ATG7: variants seen among roughly 807,000 people sequenced by gnomAD.
The protein encoded by ATG7 is ubiquitin-like modifier-activating enzyme ATG7.
Under a neutral mutation model 82.4 loss-of-function variants are expected in ATG7, and 70 were observed. The ratio of observed to expected loss-of-function variants is 0.85; its 90% CI spans 0.70 to 1.04. ATG7 has a LOEUF of 1.04. ATG7 is among the 50% of genes least tolerant of loss of function. The pLI, the probability that ATG7 is intolerant of heterozygous loss-of-function variation, is 0.00. For missense variants in ATG7, 792 were observed against 864.3 expected, an observed-to-expected ratio of 0.92 and a Z score of 1.05; for synonymous variants, 287 against 313.0, an observed-to-expected ratio of 0.92 and a Z score of 0.88.
intron 9 of ATG7, among the ~76,000 whole-genome samples, chr3:11,327,856 C>T (rs1165666129): frequency 6.6e-6 from 1 of 152,174 alleles, no homozygotes; most frequent in African/African-American, 2.4e-5. Flanking sequence ...AACTCTGATT[C>T]AGCAGGTCTG....
chr3:11,425,156 G>A (rs1338518607), intron 19 of ATG7, among the ~76,000 whole-genome samples: 1 of 152,054 alleles, frequency 6.6e-6, no homozygotes, highest in Non-Finnish European at 1.5e-5. Context: ...TGGAGACAAG[G>A]TCTCACTATG....
At chr3:11,469,867 G>A (rs569157615) in intron 20 of ATG7, among the ~76,000 whole-genome samples, 12 of 151,682 alleles carry the variant, frequency 7.9e-5, no homozygotes, top group Admixed American at 2.0e-4. Context: ...GCATGTACCT[G>A]TAATCCCAGC....
intron 3 of ATG7, among the ~76,000 whole-genome samples, chr3:11,298,373 A>G (rs1317199807): frequency 6.6e-6 from 1 of 152,216 alleles, no homozygotes; most frequent in Non-Finnish European, 1.5e-5. Context: ...TCCTGGGGGT[A>G]AGGAAATGGG....
chr3:11,438,276 T>A (rs2083547366), intron 20 of ATG7, among the ~76,000 whole-genome samples: 1 of 152,106 alleles, frequency 6.6e-6, no homozygotes, highest in Non-Finnish European at 1.5e-5. Flanking sequence ...CCATCCTCCA[T>A]CCAGGGTCCC....
chr3:11,479,991 A>G (rs1034419345), intron 20 of ATG7, among the ~76,000 whole-genome samples: 3 of 151,404 alleles, frequency 2.0e-5, no homozygotes, highest in African/African-American at 7.3e-5. Context: ...GCAGTGGCAC[A>G]ATCTCGGCTT....
At chr3:11,511,822 C>T (rs539984479) in intron 20 of ATG7, among the ~76,000 whole-genome samples, 28 of 152,172 alleles carry the variant, frequency 1.8e-4, no homozygotes, top group African/African-American at 3.4e-4. Context: ...GTACACCCTC[C>T]GCAGCCACTG....
chr3:11,484,945 G>T (rs1173058766), intron 20 of ATG7, among the ~76,000 whole-genome samples: 1 of 152,162 alleles, frequency 6.6e-6, no homozygotes, highest in Non-Finnish European at 1.5e-5. Context: ...GTCTATCGTT[G>T]TTGGACAGTT....
At chr3:11,436,566 T>C (rs1013043996) in intron 20 of ATG7, among the ~76,000 whole-genome samples, 6 of 152,172 alleles carry the variant, frequency 3.9e-5, no homozygotes, top group Admixed American at 3.9e-4. Context: ...TGTATAAATA[T>C]AGCCCAGAGA....
the ATG7 span, among the ~76,000 whole-genome samples, chr3:11,563,276 A>G: frequency 6.6e-6 from 1 of 152,172 alleles, no homozygotes; most frequent in African/African-American, 2.4e-5. Context: ...GGACTCCCCA[A>G]CAGCAGTGGC....
chr3:11,309,376 C>T (rs1948273563), intron 7 of ATG7, among the ~76,000 whole-genome samples: 1 of 152,124 alleles, frequency 6.6e-6, no homozygotes, highest in Non-Finnish European at 1.5e-5. Flanking sequence ...TCCTAAATAC[C>T]ATCTAAATAA....
chr3:11,478,862 T>C (rs2088570182), intron 20 of ATG7, among the ~76,000 whole-genome samples: 1 of 152,196 alleles, frequency 6.6e-6, no homozygotes, highest in Admixed American at 6.5e-5. Context: ...TTAACATGCA[T>C]TTATTATTTA....
At position 11,556,734 on chromosome 3, in the gene ATG7, A is replaced by C. The variant is rs1270777617; in HGVS notation, c.*1891A>C. 6.5e-6 allele frequency: 1 copy of C among 152,836 alleles called. No individual in the cohort carries two copies. Among genetic ancestry groups the C allele is most frequent in the Non-Finnish European group, 1.5e-5 (1 of 68,052 alleles). 9.5% of individuals were successfully genotyped at this position (152,836 alleles called of 1,614,324 possible). A position where few individuals can be genotyped will look rare whatever the true frequency, so the allele number is the denominator to read the frequency against. Reference sequence around the variant, plus strand: ...AAAATACCTACAAATTTCTCTGTACATTCTTTACGCACAGCGTAACGATGG... The same window carrying C: ...AAAATACCTACAAATTTCTCTGTACCTTCTTTACGCACAGCGTAACGATGG... On this transcript the variant is annotated 3_prime_UTR_variant, in exon 21 of 21. Coordinates refer to ENST00000693202, the MANE Select transcript of ATG7 (RefSeq NM_001349232.2).
chr3:11,525,442 CAT>C (rs1367850350), intron 20 of ATG7, among the ~76,000 whole-genome samples: 1 of 133,102 alleles, frequency 7.5e-6, no homozygotes, highest in Non-Finnish European at 1.5e-5. Context: ...CACAGTAAGA[CAT>C]GTGATTTTTT....
chr3:11,477,021 C>A, intron 20 of ATG7: 1 of 1,092,082 alleles, frequency 9.2e-7, no homozygotes, highest in Non-Finnish European at 1.2e-6. Context: ...CGATGGCAGT[C>A]ATTAAATGAT....
intron 3 of ATG7, among the ~76,000 whole-genome samples, chr3:11,284,768 G>T (rs1943666561): frequency 6.6e-6 from 1 of 151,530 alleles, no homozygotes. Flanking sequence ...TGCCTAGAGT[G>T]GTCTTGTCTG....
chr3:11,317,537 A>T (rs1034923573), intron 9 of ATG7, among the ~76,000 whole-genome samples: 4 of 150,740 alleles, frequency 2.7e-5, no homozygotes, highest in African/African-American at 9.7e-5. Context: ...ACTCAAAGTC[A>T]CACGACCACA....
rs79571088 is a variant in ATG7, at chr3:11,500,177, T to C, written c.2080-54634T>C. Among the ~76,000 whole-genome samples the C allele has an allele frequency of 6.9e-3, 1,044 of 152,210 alleles. 12 individuals carry two copies. The highest frequency in any genetic ancestry group is 0.024 in the African/African-American group (1,004 of 41,530). ...CAGCAACGCGCAACATAAAGAACAA[T>C]ATGAACACAGTTGTATGGCAGTGGT... is the stretch of plus-strand genomic sequence containing the variant. On this transcript the variant is annotated intron_variant, in intron 20 of 20. Coordinates refer to ENST00000693202, the MANE Select transcript of ATG7 (RefSeq NM_001349232.2).
At chr3:11,414,366 T>A (rs1490651204) in intron 19 of ATG7, among the ~76,000 whole-genome samples, 1 of 152,178 alleles carries the variant, frequency 6.6e-6, no homozygotes, top group Non-Finnish European at 1.5e-5. Context: ...GTGCCCAGCC[T>A]AGTCTTATTT....
At chr3:11,341,364 T>C (rs868688927) in intron 12 of ATG7, among the ~76,000 whole-genome samples, 1 of 151,944 alleles carries the variant, frequency 6.6e-6, no homozygotes, top group African/African-American at 2.4e-5. Flanking sequence ...CCAGCCCTTA[T>C]TGGCCCACCT....
Sources: gnomAD v4.1 joint callset for allele counts (sites outside exome capture counted in the v4.1 genomes callset) on GRCh38, gnomAD v4.1.1 for gene constraint, MANE v1.5 for transcripts, NCBI Gene and HGNC (gene_info 2026-07-23, HGNC 2026-07-21) for gene names.